The following RIMKLB variants were observed in gnomAD, a reference collection of about 807,000 sequenced individuals.
The protein encoded by RIMKLB is beta-citrylglutamate synthase B.
A neutral mutation model predicts 32.0 loss-of-function variants in RIMKLB; 7 were observed. The observed-to-expected ratio is 0.22, with a 90% CI of 0.12 to 0.41. The LOEUF is 0.41. Ranked by LOEUF, RIMKLB falls within the 10% of genes least tolerant of loss-of-function variation. The pLI is 1.00. For missense variants in RIMKLB, 289 were observed against 498.7 expected, an observed-to-expected ratio of 0.58 and a Z score of 4.00; for synonymous variants, 172 against 185.1, an observed-to-expected ratio of 0.93 and a Z score of 0.57.
intron 5 of RIMKLB, among the ~76,000 whole-genome samples, chr12:8,762,062 G>A (rs868204098): frequency 8.5e-5 from 13 of 152,094 alleles, no homozygotes; most frequent in Middle Eastern, 3.2e-3. Context: ...TGAAGTGCAG[G>A]GGCATATGGG....
intron 1 of RIMKLB, among the ~76,000 whole-genome samples, chr12:8,706,854 G>A (rs1241691266): frequency 2.0e-5 from 3 of 152,110 alleles, no homozygotes; most frequent in Non-Finnish European, 4.4e-5. Context: ...AAATTTAGTT[G>A]AGAAAGAAAT....
At chr12:8,780,908 G>GT (rs1262298876), downstream of RIMKLB, among the ~76,000 whole-genome samples, 1 of 152,114 alleles carries the variant, frequency 6.6e-6, no homozygotes, top group Non-Finnish European at 1.5e-5. Context: ...ATAACTAATA[G>GT]TATGTAAAAT....
chr12:8,748,753 A>G (rs1413743586), intron 2 of RIMKLB, among the ~76,000 whole-genome samples: 6 of 152,124 alleles, frequency 3.9e-5, no homozygotes, highest in South Asian at 2.1e-4. Flanking sequence ...CCTGGCCAAC[A>G]TGGTAAAACT....
At chr12:8,732,153 G>T (rs932982039) in intron 2 of RIMKLB, among the ~76,000 whole-genome samples, 1 of 151,952 alleles carries the variant, frequency 6.6e-6, no homozygotes, top group Non-Finnish European at 1.5e-5. Flanking sequence ...GGAGATTTTT[G>T]TAGATTTAAT....
chr12:8,683,969 A>G (rs1331826203), intron 1 of RIMKLB, among the ~76,000 whole-genome samples: 4 of 151,654 alleles, frequency 2.6e-5, no homozygotes, highest in African/African-American at 9.7e-5. Context: ...GCTGGTCTCA[A>G]ACTCCTGACC....
chr12:8,705,000 A>ACACACACACACACACACACACACACAC (rs1178112609), intron 1 of RIMKLB, among the ~76,000 whole-genome samples: 4 of 150,948 alleles, frequency 2.6e-5, no homozygotes, highest in African/African-American at 9.8e-5. Flanking sequence ...ACACACACAC[A>ACACACACACACACACACACACACACAC]AAACCCCAAA....
At chr12:8,715,228 C>CCTTTTTTTTTTTTTTTTTTTTTTTTT (rs1445737752) in intron 2 of RIMKLB, among the ~76,000 whole-genome samples, 12 of 123,756 alleles carry the variant, frequency 9.7e-5, no homozygotes, top group African/African-American at 3.6e-4. Context: ...TGCTCTTGTT[C>CCTTTTTTTTTTTTTTTTTTTTTTTTT]TTTTTTTTTT....
chr12:8,752,432 A>T (rs1392915451), intron 4 of RIMKLB, among the ~76,000 whole-genome samples: 1 of 152,098 alleles, frequency 6.6e-6, no homozygotes, highest in African/African-American at 2.4e-5. Flanking sequence ...TACGCCTGTA[A>T]TCCCAACTAC....
Position 8,731,295 on chromosome 12 carries a change from G to T in RIMKLB, c.175+17254G>T, listed in dbSNP as rs182686189. Among the ~76,000 whole-genome samples the T allele has an allele frequency of 1.7e-3, 264 of 151,440 alleles. 1 individual carries two copies. Among genetic ancestry groups the T allele is most frequent in the Non-Finnish European group, 1.8e-3 (120 of 67,866 alleles). On this transcript the variant is annotated intron_variant, in intron 2 of 5. Coordinates refer to ENST00000535829, the MANE Select transcript of RIMKLB (RefSeq NM_001297776.2). ...GTATTTGTAGTAGAGACAGGGTTTC[G>T]CCACGTTGGCCAGGCTGGTCTCAAA...
chr12:8,759,349 C>G (rs1565410093), intron 5 of RIMKLB, among the ~76,000 whole-genome samples: 1 of 152,094 alleles, frequency 6.6e-6, no homozygotes, highest in Non-Finnish European at 1.5e-5. Flanking sequence ...GAGCCAAGGT[C>G]GTGTCACTGC....
At chr12:8,718,428 G>A (rs1351792895) in intron 2 of RIMKLB, among the ~76,000 whole-genome samples, 1 of 152,162 alleles carries the variant, frequency 6.6e-6, no homozygotes, top group Non-Finnish European at 1.5e-5. Context: ...GGCAGATCGC[G>A]AGGTCAGGAG....
At chr12:8,740,809 A>G (rs186319633) in intron 2 of RIMKLB, among the ~76,000 whole-genome samples, 2 of 152,350 alleles carry the variant, frequency 1.3e-5, no homozygotes, top group African/African-American at 4.8e-5. Flanking sequence ...GTGTTAGCTC[A>G]TGCCCATAAT....
At chr12:8,766,256 G>T (rs781314216) in intron 5 of RIMKLB, among the ~76,000 whole-genome samples, 1 of 152,066 alleles carries the variant, frequency 6.6e-6, no homozygotes, top group East Asian at 1.9e-4. Context: ...GATTAGTTAC[G>T]CTCACTGATG....
chr12:8,771,340 T>C (rs761726273), intron 5 of RIMKLB, among the ~76,000 whole-genome samples: 7 of 152,014 alleles, frequency 4.6e-5, no homozygotes, highest in Non-Finnish European at 1.0e-4. Flanking sequence ...TGTGAAAGAT[T>C]AGAGTCCTGC....
At chr12:8,699,577 C>G (rs1271234717) in intron 1 of RIMKLB, among the ~76,000 whole-genome samples, 1 of 152,036 alleles carries the variant, frequency 6.6e-6, no homozygotes, top group African/African-American at 2.4e-5. Context: ...CCAATGGTTA[C>G]TGTTTTATTT....
intron 2 of RIMKLB, 81 bp from the exon 3 acceptor site, chr12:8,749,781 C>A: frequency 1.1e-6 from 1 of 880,832 alleles, no homozygotes. Context: ...TTTTGTGATC[C>A]AAACTTTGGC....
At chr12:8,770,930 C>T (rs929428248) in intron 5 of RIMKLB, among the ~76,000 whole-genome samples, 4 of 152,178 alleles carry the variant, frequency 2.6e-5, no homozygotes, top group African/African-American at 9.7e-5. Context: ...ACTCACAGAA[C>T]TCAAAGAACA....
At chr12:8,674,528 C>T in the RIMKLB span, among the ~76,000 whole-genome samples, 3 of 151,432 alleles carry the variant, frequency 2.0e-5, no homozygotes, top group African/African-American at 7.3e-5. Flanking sequence ...CGTGAGCCAC[C>T]GCGCCCAGCC....
At chr12:8,768,927 T>A (rs1015063844) in intron 5 of RIMKLB, among the ~76,000 whole-genome samples, 2 of 152,202 alleles carry the variant, frequency 1.3e-5, no homozygotes, top group Non-Finnish European at 1.5e-5. Context: ...TTTGTATTTT[T>A]AAAAAATTCT....
Sources: gnomAD v4.1 joint callset for allele counts (sites outside exome capture counted in the v4.1 genomes callset) on GRCh38, gnomAD v4.1.1 for gene constraint, MANE v1.5 for transcripts, NCBI Gene and HGNC (gene_info 2026-07-23, HGNC 2026-07-21) for gene names.